ANKIB1: variants seen among roughly 807,000 people sequenced by gnomAD.
ANKIB1 encodes ankyrin repeat and IBR domain-containing protein 1.
Under a neutral mutation model 122.1 loss-of-function variants are expected in ANKIB1, and 43 were observed. That is an observed-to-expected ratio of 0.35 (90% CI 0.28 to 0.45). The LOEUF (loss-of-function observed/expected upper bound fraction) is 0.45, where lower values mean the gene tolerates loss of function less well. ANKIB1 is among the 20% of genes least tolerant of loss of function. The pLI is 1.00. For missense variants in ANKIB1, 992 were observed against 1,329.5 expected (o/e 0.75, Z 3.95); for synonymous variants, 390 against 442.0 (o/e 0.88, Z 1.48).
rs566200669 is a variant in ANKIB1, at chr7:92,396,663, C to G, written c.2395+187C>G. On this transcript the variant is annotated intron_variant, in intron 18 of 19. Coordinates refer to ENST00000265742, the MANE Select transcript of ANKIB1 (RefSeq NM_019004.2). ...AGCATGGTCTGTGGAGTTAGGCAAA[C>G]TTGGATTCATGACCCCATCTCTGCT... Among the ~76,000 whole-genome samples, 34 of 152,282 alleles carry G rather than the reference C, an allele frequency of 2.2e-4. No homozygotes were observed. In the South Asian group the frequency reaches 7.0e-3, roughly 32 times the overall value.
chr7:92,321,247 A>G (rs187353262), intron 4 of ANKIB1, among the ~76,000 whole-genome samples: 1 of 152,142 alleles, frequency 6.6e-6, no homozygotes, highest in Non-Finnish European at 1.5e-5. Flanking sequence ...TAACTCACCT[A>G]TCATTTTTTA....
intron 11 of ANKIB1, among the ~76,000 whole-genome samples, chr7:92,383,977 T>C (rs1318423936): frequency 6.6e-6 from 1 of 152,214 alleles, no homozygotes; most frequent in Non-Finnish European, 1.5e-5. Context: ...CATGATTGTA[T>C]ATTTAGAAAA....
In ANKIB1 at chr7:92,246,488, A is replaced by C; in HGVS notation, c.-122A>C. 1.9e-6 allele frequency: 1 copy of C among 518,488 alleles called. No homozygotes were observed. The highest frequency in any genetic ancestry group is 3.8e-6 in the Non-Finnish European group (1 of 259,820). 32.1% of individuals were successfully genotyped at this position (518,488 alleles called of 1,614,324 possible). A position where few individuals can be genotyped will look rare whatever the true frequency, so the allele number is the denominator to read the frequency against. Reference sequence around the variant, plus strand: ...GCGGAACTGCGGAGTTGCTGGGTCCACCGACCCTTACCCTCAGCGAGAGAA... The same window carrying C: ...GCGGAACTGCGGAGTTGCTGGGTCCCCCGACCCTTACCCTCAGCGAGAGAA... On this transcript the variant is annotated 5_prime_UTR_variant, in exon 1 of 20. Transcript: ENST00000265742.
intron 16 of ANKIB1, 118 bp from the exon 17 acceptor site, chr7:92,392,123 T>C (rs1332264198): frequency 1.5e-6 from 1 of 682,298 alleles, no homozygotes; most frequent in African/African-American, 1.8e-5. Flanking sequence ...GTTGATCTAC[T>C]TTAGTTAAGC....
intron 11 of ANKIB1, among the ~76,000 whole-genome samples, chr7:92,377,659 A>C (rs990031676): frequency 6.6e-6 from 1 of 152,202 alleles, no homozygotes; most frequent in Non-Finnish European, 1.5e-5. Flanking sequence ...AAGCAAACTA[A>C]AATAATAAGG....
At chr7:92,331,877 T>C (rs1803180866) in intron 5 of ANKIB1, among the ~76,000 whole-genome samples, 1 of 152,062 alleles carries the variant, frequency 6.6e-6, no homozygotes, top group Non-Finnish European at 1.5e-5. Context: ...CCAAATCATA[T>C]AGTGTTCATA....
intron 9 of ANKIB1, among the ~76,000 whole-genome samples, chr7:92,359,538 G>A (rs977599343): frequency 1.3e-5 from 2 of 152,176 alleles, no homozygotes; most frequent in African/African-American, 2.4e-5. Context: ...ACATATGTGT[G>A]TGTGTGTCTT....
intron 11 of ANKIB1, among the ~76,000 whole-genome samples, chr7:92,379,970 TG>T (rs1443088266): frequency 6.6e-6 from 1 of 151,998 alleles, no homozygotes; most frequent in African/African-American, 2.4e-5. Flanking sequence ...CATAAAGGGT[TG>T]GGGGATTTCC....
chr7:92,323,455 G>A (rs1562782050), intron 4 of ANKIB1, among the ~76,000 whole-genome samples: 1 of 151,328 alleles, frequency 6.6e-6, no homozygotes, highest in Non-Finnish European at 1.5e-5. Flanking sequence ...TACTTATATG[G>A]TATTCAGAGT....
chr7:92,380,336 C>A (rs1192762010), intron 11 of ANKIB1, among the ~76,000 whole-genome samples: 1 of 152,316 alleles, frequency 6.6e-6, no homozygotes, highest in Non-Finnish European at 1.5e-5. Context: ...ACAGAAACTT[C>A]TGCAGACTTT....
chr7:92,319,522 T>A lies in ANKIB1; in HGVS notation c.669+10T>A. 1 of 1,589,264 alleles carries A rather than the reference T, an allele frequency of 6.3e-7. No homozygotes were observed. Among genetic ancestry groups the A allele is most frequent in the Non-Finnish European group, 8.5e-7 (1 of 1,173,972 alleles). On this transcript the variant is annotated intron_variant, in intron 4 of 19. Coordinates refer to ENST00000265742, the MANE Select transcript of ANKIB1 (RefSeq NM_019004.2). ...ATTAGACAAACGAGAGGTCAGTTTA[T>A]TTTTTCTTCTCAGTAAAAAAATTAC... is the stretch of plus-strand genomic sequence containing the variant.
At chr7:92,287,441 G>T (rs1391597491) in intron 1 of ANKIB1, among the ~76,000 whole-genome samples, 1 of 152,140 alleles carries the variant, frequency 6.6e-6, no homozygotes, top group South Asian at 2.1e-4. Flanking sequence ...CTCATATTAT[G>T]TTGATATAAA....
chr7:92,362,128 C>T, intron 9 of ANKIB1, 57 bp from the exon 10 acceptor site: 1 of 1,499,758 alleles, frequency 6.7e-7, no homozygotes, highest in South Asian at 1.2e-5. Flanking sequence ...ACTTTTTTTA[C>T]CTTGATGTTG....
At chr7:92,342,880 A>G (rs1002270744) in intron 5 of ANKIB1, 144 bp from the exon 6 acceptor site, 2 of 660,956 alleles carry the variant, frequency 3.0e-6, no homozygotes, top group East Asian at 2.7e-5. Context: ...ACATACCTAG[A>G]CATTCATTTG....
chr7:92,386,476 G>C (rs745461780), intron 11 of ANKIB1, 33 bp from the exon 12 acceptor site: 1 of 1,556,798 alleles, frequency 6.4e-7, no homozygotes, highest in Non-Finnish European at 8.7e-7. Context: ...TATTAATATG[G>C]GGAGATGTTT....
intron 5 of ANKIB1, among the ~76,000 whole-genome samples, chr7:92,330,495 A>G (rs1803146633): frequency 6.6e-6 from 1 of 152,150 alleles, no homozygotes; most frequent in Non-Finnish European, 1.5e-5. Flanking sequence ...ATAGAAAAAA[A>G]TTTAGACCTG....
chr7:92,278,891 C>T (rs1460668831), intron 1 of ANKIB1, among the ~76,000 whole-genome samples: 1 of 152,186 alleles, frequency 6.6e-6, no homozygotes, highest in Non-Finnish European at 1.5e-5. Context: ...GTTTATCAGT[C>T]TATTGTTGTA....
In ANKIB1 at chr7:92,397,802, C is replaced by G; in HGVS notation, c.2475C>G (p.Ser825Arg). 1 of 1,606,528 alleles carries G rather than the reference C, an allele frequency of 6.2e-7. No individual in the cohort carries two copies. The highest frequency in any genetic ancestry group is 8.5e-7 in the Non-Finnish European group (1 of 1,177,938). ...CTGCATCTATGAGTGTGCTGCACAG[C>G]TCTTCCCTGCGTGACTACACCCCTG... Reference protein sequence around the residue: ...VSSASMSVLHSSSLRDYTPAS... With the variant: ...VSSASMSVLHRSSLRDYTPAS... Residue 825 changes from serine to arginine, a missense_variant, in exon 19 of 20, where the codon AGC becomes AGG. By Grantham distance (110) the Ser-to-Arg change is moderately radical. Around this residue, in one of 4 missense-constraint regions of ANKIB1, gnomAD observed 384 missense variants for 412.0 expected, o/e 0.93. Coordinates refer to ENST00000265742, the MANE Select transcript of ANKIB1 (RefSeq NM_019004.2).
intron 11 of ANKIB1, among the ~76,000 whole-genome samples, chr7:92,376,320 T>G (rs1243239193): frequency 6.6e-6 from 1 of 152,222 alleles, no homozygotes; most frequent in African/African-American, 2.4e-5. Context: ...GAAAGCAGTT[T>G]CATCTACATT....
Sources: gnomAD v4.1 joint callset for allele counts (sites outside exome capture counted in the v4.1 genomes callset) on GRCh38, gnomAD v4.1.1 for gene constraint, gnomAD v4.1.1 regional missense constraint, MANE v1.5 for transcripts, NCBI Gene and HGNC (gene_info 2026-07-23, HGNC 2026-07-21) for gene names.